TPST1: variants seen among roughly 807,000 people sequenced by gnomAD.
TPST1 encodes the protein tyrosylprotein sulfotransferase 1.
A neutral mutation model predicts 34.8 loss-of-function variants in TPST1; 20 were observed. The ratio of observed to expected loss-of-function variants is 0.57; its 90% CI spans 0.40 to 0.84. The LOEUF (loss-of-function observed/expected upper bound fraction) is 0.84. Among genes scored for constraint, TPST1 ranks in the 40% least tolerant of loss-of-function variants. TPST1 has a pLI of 0.00. For missense variants in TPST1, 353 were observed against 455.5 expected, an observed-to-expected ratio of 0.78 and a Z score of 2.05; for synonymous variants, 152 against 159.4, an observed-to-expected ratio of 0.95 and a Z score of 0.35.
intron 2 of TPST1, among the ~76,000 whole-genome samples, chr7:66,278,731 C>T (rs1023534000): frequency 1.1e-4 from 17 of 151,190 alleles, no homozygotes; most frequent in Non-Finnish European, 2.1e-4. Flanking sequence ...TGCAGGGAGC[C>T]GAGATCGCAC....
At chr7:66,309,343 A>G (rs188984100) in intron 3 of TPST1, among the ~76,000 whole-genome samples, 2 of 152,364 alleles carry the variant, frequency 1.3e-5, no homozygotes, top group Admixed American at 1.3e-4. Context: ...AATATACTGC[A>G]TCCAAAATAT....
chr7:66,256,152 A>G (rs140285008), intron 2 of TPST1, among the ~76,000 whole-genome samples: 89 of 152,320 alleles, frequency 5.8e-4, no homozygotes, highest in Non-Finnish European at 9.9e-4. Context: ...TCTAAAGGGA[A>G]TATGTTTAAT....
chr7:66,302,417 T>C (rs1344405922), intron 3 of TPST1, among the ~76,000 whole-genome samples: 2 of 152,176 alleles, frequency 1.3e-5, no homozygotes. Flanking sequence ...CACACAGCAT[T>C]GGGAGATCTC....
intron 3 of TPST1, among the ~76,000 whole-genome samples, chr7:66,352,120 G>A (rs1156532166): frequency 6.6e-6 from 1 of 152,202 alleles, no homozygotes; most frequent in African/African-American, 2.4e-5. Context: ...GAATTCAAAA[G>A]GAACCAGGAA....
At chr7:66,301,823 A>G (rs1791324651) in intron 3 of TPST1, among the ~76,000 whole-genome samples, 2 of 152,254 alleles carry the variant, frequency 1.3e-5, no homozygotes, top group East Asian at 3.8e-4. Context: ...AACAGATACA[A>G]TAATGAAGAA....
chr7:66,297,767 T>G (rs746427141), intron 3 of TPST1, among the ~76,000 whole-genome samples: 5 of 152,224 alleles, frequency 3.3e-5, no homozygotes, highest in Admixed American at 6.5e-5. Context: ...GGAATTGATA[T>G]TCTTACATTA....
chr7:66,285,391 G>A (rs1021588508), intron 2 of TPST1, among the ~76,000 whole-genome samples: 5 of 152,150 alleles, frequency 3.3e-5, no homozygotes, highest in African/African-American at 9.7e-5. Flanking sequence ...AGAGTGAAGG[G>A]AGCAGTGGGT....
chr7:66,265,805 C>T (rs1386649986), intron 2 of TPST1, among the ~76,000 whole-genome samples: 2 of 152,156 alleles, frequency 1.3e-5, no homozygotes, highest in Admixed American at 6.5e-5. Flanking sequence ...GCAGACTTCT[C>T]ACCAGTAACT....
In TPST1 at chr7:66,332,168, C is replaced by T. The variant is rs1308611825; in HGVS notation, c.1045-20337C>T. Among the ~76,000 whole-genome samples, 3 of 29,032 alleles carry T rather than the reference C, an allele frequency of 1.0e-4. No homozygotes were observed. Among genetic ancestry groups the T allele is most frequent in the African/African-American group, 6.3e-4 (3 of 4,776 alleles). 19.0% of individuals were successfully genotyped at this position (29,032 alleles called of 152,430 possible). A position where few individuals can be genotyped will look rare whatever the true frequency, so the allele number is the denominator to read the frequency against. On this transcript the variant is annotated intron_variant, in intron 3 of 5. Transcript: ENST00000304842. The surrounding 1 kb of genome is among the most constrained non-coding windows in gnomAD (Gnocchi z 4.5). ...ATGGAAAGATTGTTTTTCACAAAAC[C>T]GGCCCAAAGTTGGGGACTACTGCTA...
chr7:66,353,483 T>C (rs1792521768), intron 4 of TPST1, among the ~76,000 whole-genome samples: 1 of 152,026 alleles, frequency 6.6e-6, no homozygotes, highest in African/African-American at 2.4e-5. Context: ...ATAAAAAAAA[T>C]TAAGCAGATT....
chr7:66,238,745 C>T (rs1240954279), intron 1 of TPST1, among the ~76,000 whole-genome samples: 1 of 152,200 alleles, frequency 6.6e-6, no homozygotes, highest in Non-Finnish European at 1.5e-5. Context: ...GATCAAACAA[C>T]TGGACACCAA....
At chr7:66,293,366 G>T (rs528148558) in intron 3 of TPST1, among the ~76,000 whole-genome samples, 1 of 152,172 alleles carries the variant, frequency 6.6e-6, no homozygotes, top group East Asian at 1.9e-4. Flanking sequence ...ATCCAGGCAT[G>T]GTGGCACATG....
At chr7:66,208,506 T>C (rs1343778549) in intron 1 of TPST1, among the ~76,000 whole-genome samples, 1 of 152,184 alleles carries the variant, frequency 6.6e-6, no homozygotes, top group Non-Finnish European at 1.5e-5. Context: ...TCTTGGTCTG[T>C]TGCCCAGGCT....
intron 1 of TPST1, among the ~76,000 whole-genome samples, chr7:66,227,488 T>C (rs371136838): frequency 2.0e-5 from 3 of 151,980 alleles, no homozygotes; most frequent in Non-Finnish European, 2.9e-5. Context: ...AGTGGTGTGA[T>C]CATGGCTCAC....
At chr7:66,339,600 T>C (rs1351749669) in intron 3 of TPST1, among the ~76,000 whole-genome samples, 1 of 151,742 alleles carries the variant, frequency 6.6e-6, no homozygotes, top group African/African-American at 2.4e-5. Context: ...GCAAAAATCC[T>C]CAACAAAATA....
At chr7:66,283,121 G>C (rs1408862681) in intron 2 of TPST1, among the ~76,000 whole-genome samples, 1 of 152,054 alleles carries the variant, frequency 6.6e-6, no homozygotes, top group African/African-American at 2.4e-5. Context: ...AAATTAACTG[G>C]GTATGGTGGT....
At chr7:66,307,381 G>A (rs1052057948) in intron 3 of TPST1, among the ~76,000 whole-genome samples, 2 of 152,082 alleles carry the variant, frequency 1.3e-5, no homozygotes, top group African/African-American at 4.8e-5. Flanking sequence ...GCCTCCCAAA[G>A]TGCTGGGATT....
At chr7:66,296,676 GTTTTTTT>G (rs55888171) in intron 3 of TPST1, among the ~76,000 whole-genome samples, 3 of 92,142 alleles carry the variant, frequency 3.3e-5, no homozygotes, top group African/African-American at 4.4e-5. Context: ...TACTGGGTTG[GTTTTTTT>G]TTTTTTTTTT....
At chr7:66,207,348 T>G (rs1789151079) in intron 1 of TPST1, among the ~76,000 whole-genome samples, 1 of 152,228 alleles carries the variant, frequency 6.6e-6, no homozygotes, top group South Asian at 2.1e-4. Context: ...GCATCAGCCC[T>G]GAACTCTTAA....
Sources: allele counts gnomAD v4.1 joint callset (sites outside exome capture counted in the v4.1 genomes callset), GRCh38; gene constraint gnomAD v4.1.1; non-coding constraint Gnocchi (gnomAD v3.1); transcripts MANE v1.5; gene names NCBI Gene and HGNC (gene_info 2026-07-23, HGNC 2026-07-21).